CTNNA2: variants seen among roughly 807,000 people sequenced by gnomAD.
CTNNA2 encodes catenin alpha-2.
A neutral mutation model predicts 101.0 loss-of-function variants in CTNNA2; 42 were observed. That is an observed-to-expected ratio of 0.42 (90% CI 0.32 to 0.54). The LOEUF is 0.54. CTNNA2 is among the 20% of genes least tolerant of loss of function. The pLI is 0.14. For synonymous variants in CTNNA2, 450 were observed against 456.4 expected (o/e 0.99, Z 0.18); for missense variants, 871 against 1,223.1 (o/e 0.71, Z 4.29).
At chr2:80,032,461 A>T (rs986175262) in intron 7 of CTNNA2, among the ~76,000 whole-genome samples, 1 of 152,202 alleles carries the variant, frequency 6.6e-6, no homozygotes, top group South Asian at 2.1e-4. Flanking sequence ...AATTTCTATG[A>T]TCAATCATCA....
At chr2:80,281,474 A>C (rs1318989664) in intron 7 of CTNNA2, among the ~76,000 whole-genome samples, 3 of 152,160 alleles carry the variant, frequency 2.0e-5, no homozygotes, top group Non-Finnish European at 2.9e-5. Context: ...AAGAGCGTAC[A>C]TTAGTGTCTG....
chr2:80,471,909 T>G (rs142528072), intron 9 of CTNNA2, among the ~76,000 whole-genome samples: 1 of 151,968 alleles, frequency 6.6e-6, no homozygotes, highest in African/African-American at 2.4e-5. Context: ...GTGGATCATG[T>G]GAGGTCAGGA....
At chr2:80,505,695 A>G (rs1688222180) in intron 9 of CTNNA2, among the ~76,000 whole-genome samples, 1 of 152,196 alleles carries the variant, frequency 6.6e-6, no homozygotes, top group Non-Finnish European at 1.5e-5. Context: ...AACGTCCAGT[A>G]AGCCTCATGT....
At chr2:80,499,410 A>G (rs1334602750) in intron 9 of CTNNA2, among the ~76,000 whole-genome samples, 3 of 152,132 alleles carry the variant, frequency 2.0e-5, no homozygotes, top group Non-Finnish European at 4.4e-5. Context: ...GAATGAGTTT[A>G]TCAGTTCCTC....
intron 2 of CTNNA2, among the ~76,000 whole-genome samples, chr2:79,234,332 T>G (rs1251296132): frequency 6.6e-6 from 1 of 152,164 alleles, no homozygotes; most frequent in East Asian, 1.9e-4. Context: ...TTGGTTGAAA[T>G]TCTTTTCTTT....
intron 3 of CTNNA2, among the ~76,000 whole-genome samples, chr2:79,821,019 T>A (rs966689140): frequency 6.6e-6 from 1 of 152,134 alleles, no homozygotes; most frequent in Non-Finnish European, 1.5e-5. Context: ...TAATATAACA[T>A]AAACAAAATA....
intron 2 of CTNNA2, among the ~76,000 whole-genome samples, chr2:79,307,837 C>T (rs1676281496): frequency 6.6e-6 from 1 of 152,158 alleles, no homozygotes; most frequent in Non-Finnish European, 1.5e-5. Flanking sequence ...TTCCTATGAA[C>T]AGTGTATGAG....
chr2:79,773,195 A>G (rs1421947780), intron 3 of CTNNA2, among the ~76,000 whole-genome samples: 2 of 152,214 alleles, frequency 1.3e-5, no homozygotes, highest in African/African-American at 4.8e-5. Context: ...TTTTAGGTAC[A>G]AGTGGCAGGA....
intron 12 of CTNNA2, 30 bp downstream of exon 12, chr2:80,555,923 T>A: frequency 7.4e-7 from 1 of 1,347,950 alleles, no homozygotes; most frequent in Non-Finnish European, 9.8e-7. Context: ...CTGGCCAAAA[T>A]GTTAATGCCT....
intron 18 of CTNNA2, among the ~76,000 whole-genome samples, chr2:80,641,683 T>G (rs1437397189): frequency 6.6e-6 from 1 of 152,170 alleles, no homozygotes; most frequent in African/African-American, 2.4e-5. Context: ...AAAAGATTGC[T>G]AATTACTTAA....
intron 7 of CTNNA2, among the ~76,000 whole-genome samples, chr2:80,243,127 A>G (rs973191): frequency 0.13 from 19,745 of 152,114 alleles, 3,117 homozygotes; most frequent in African/African-American, 0.38. Flanking sequence ...AGACATGAGC[A>G]TGTTATTTGG....
At chr2:79,387,495 G>A (rs1678118260) in intron 4 of CTNNA2, among the ~76,000 whole-genome samples, 1 of 152,158 alleles carries the variant, frequency 6.6e-6, no homozygotes, top group African/African-American at 2.4e-5. Flanking sequence ...TGAACGGTGT[G>A]GTAAAGCTGA....
intron 2 of CTNNA2, among the ~76,000 whole-genome samples, chr2:79,655,422 A>T (rs117872343): frequency 6.6e-5 from 10 of 152,202 alleles, no homozygotes; most frequent in Admixed American, 5.9e-4. Context: ...TGAATTAGGC[A>T]TGGGCTAGCA....
At chr2:80,545,857 TC>T (rs1692015127) in intron 10 of CTNNA2, 49 bp from the exon 11 acceptor site, 1 of 1,588,500 alleles carries the variant, frequency 6.3e-7, no homozygotes, top group African/African-American at 1.3e-5. Flanking sequence ...GGCTTATTCC[TC>T]TTTTGAAGTG....
At chr2:79,327,360 C>T (rs1676769969) in intron 3 of CTNNA2, among the ~76,000 whole-genome samples, 1 of 152,138 alleles carries the variant, frequency 6.6e-6, no homozygotes, top group Non-Finnish European at 1.5e-5. Context: ...ACCCTTGGAT[C>T]CAAGAGGTAT....
chr2:79,421,715 T>C (rs938718146), intron 4 of CTNNA2, among the ~76,000 whole-genome samples: 35 of 152,238 alleles, frequency 2.3e-4, no homozygotes, highest in African/African-American at 7.9e-4. Context: ...TTCTATATAG[T>C]AGCAACTTTC....
chr2:79,680,516 T>G (rs1449439090), intron 2 of CTNNA2, among the ~76,000 whole-genome samples: 1 of 152,140 alleles, frequency 6.6e-6, no homozygotes, highest in Non-Finnish European at 1.5e-5. Context: ...AAATGAAGGC[T>G]TTTCCTTGAA....
intron 7 of CTNNA2, among the ~76,000 whole-genome samples, chr2:79,973,061 T>C (rs968567250): frequency 6.6e-6 from 1 of 152,106 alleles, no homozygotes; most frequent in Non-Finnish European, 1.5e-5. Flanking sequence ...GCAACTTCAT[T>C]CAAAAGAGAA....
intron 7 of CTNNA2, among the ~76,000 whole-genome samples, chr2:80,277,195 A>G (rs1216768596): frequency 1.3e-5 from 2 of 152,280 alleles, no homozygotes; most frequent in Non-Finnish European, 2.9e-5. Flanking sequence ...GGTGGGGGTG[A>G]AAAGCTTTTC....
Sources: allele counts gnomAD v4.1 joint callset (sites outside exome capture counted in the v4.1 genomes callset), GRCh38; gene constraint gnomAD v4.1.1; transcripts MANE v1.5; gene names NCBI Gene and HGNC (gene_info 2026-07-23, HGNC 2026-07-21).